Variants in SDK1 observed in about 807,000 individuals in gnomAD.
The protein encoded by SDK1 is sidekick cell adhesion molecule 1.
Under a neutral mutation model 245.5 loss-of-function variants are expected in SDK1, and 157 were observed. That is an observed-to-expected ratio of 0.64 (90% CI 0.56 to 0.73). SDK1 has a LOEUF of 0.73. Ranked by LOEUF, SDK1 falls within the 30% of genes least tolerant of loss-of-function variation. The pLI is 0.00. For missense variants in SDK1, 3,583 were observed against 3,002.3 expected (o/e 1.19, Z -4.52); for synonymous variants, 1,647 against 1,278.5 (o/e 1.29, Z -6.15).
At chr7:3,392,270 CATT>C (rs1248082404) in intron 1 of SDK1, among the ~76,000 whole-genome samples, 2 of 152,078 alleles carry the variant, frequency 1.3e-5, no homozygotes, top group Admixed American at 1.3e-4. Flanking sequence ...AGAAATGTAT[CATT>C]ATTAACTTAT....
At chr7:4,191,819 G>A (rs757812513) in intron 35 of SDK1, among the ~76,000 whole-genome samples, 12 of 152,220 alleles carry the variant, frequency 7.9e-5, no homozygotes, top group Non-Finnish European at 1.6e-4. Context: ...GGAGGGAAGC[G>A]CCATCTCCAC....
chr7:3,346,807 G>GTGTATATA (rs796252256), intron 1 of SDK1, among the ~76,000 whole-genome samples: 33 of 42,214 alleles, frequency 7.8e-4, no homozygotes, highest in East Asian at 6.1e-3. Flanking sequence ...GTGTGTGTGT[G>GTGTATATA]TATATATATA....
At chr7:3,513,317 A>G (rs1245647836) in intron 1 of SDK1, among the ~76,000 whole-genome samples, 1 of 152,222 alleles carries the variant, frequency 6.6e-6, no homozygotes, top group Admixed American at 6.5e-5. Flanking sequence ...AGAGTCGAAT[A>G]AAGAGATATG....
rs1274067911 is a variant in SDK1 at position 3,902,200 on chromosome 7, G to A, written c.848-48723G>A. Among the ~76,000 whole-genome samples, 4 of 152,220 alleles carry A rather than the reference G, an allele frequency of 2.6e-5. No individual in the cohort carries two copies. In the East Asian group the frequency reaches 7.7e-4, roughly 29 times the overall value. On this transcript the variant is annotated intron_variant, in intron 5 of 44. Transcript: ENST00000404826. Reference sequence around the variant, plus strand: ...TCAGTGGCTAGAAATGTGCGCGTGTGCATGTGTGTGTGTGTATTTTAAATC... The same window carrying A: ...TCAGTGGCTAGAAATGTGCGCGTGTACATGTGTGTGTGTGTATTTTAAATC...
intron 5 of SDK1, among the ~76,000 whole-genome samples, chr7:3,899,575 G>A (rs1431984873): frequency 1.3e-5 from 2 of 152,176 alleles, no homozygotes; most frequent in East Asian, 1.9e-4. Flanking sequence ...GGGCCCTCCC[G>A]AGGTGGCACA....
chr7:3,701,924 CAAAAAAAAAAA>C (rs58687135), intron 4 of SDK1, among the ~76,000 whole-genome samples: 2,031 of 85,754 alleles, frequency 0.024, 31 homozygotes, highest in Non-Finnish European at 0.035. Context: ...CGTGCATAAG[CAAAAAAAAAAA>C]AAAAAAAAAA....
At position 4,161,952 on chromosome 7, in the gene SDK1, C is replaced by T. The variant is rs1258061188; in HGVS notation, c.4800+96C>T. On this transcript the variant is annotated intron_variant, in intron 32 of 44. Coordinates refer to ENST00000404826, the MANE Select transcript of SDK1 (RefSeq NM_152744.4). Reference sequence around the variant, plus strand: ...GCTGACATGGACTGCAAGCTGAGCCCTGAGCTAAGCGTTTGAGAGTAGAAC... The same window carrying T: ...GCTGACATGGACTGCAAGCTGAGCCTTGAGCTAAGCGTTTGAGAGTAGAAC... 5.4e-6 allele frequency: 6 copies of T among 1,110,822 alleles called. No homozygotes were observed. The South Asian group carries it at 6.4e-5, about 12-fold the overall frequency. The allele number at this position is 1,110,822 out of a possible 1,614,324, so 68.8% of individuals were successfully genotyped here. A position where few individuals can be genotyped will look rare whatever the true frequency, so the allele number is the denominator to read the frequency against.
chr7:3,421,352 A>T (rs1348331700), intron 1 of SDK1, among the ~76,000 whole-genome samples: 2 of 152,166 alleles, frequency 1.3e-5, no homozygotes, highest in Non-Finnish European at 2.9e-5. Flanking sequence ...CTGGGATTAC[A>T]GGTGCAAGCC....
intron 9 of SDK1, among the ~76,000 whole-genome samples, chr7:3,965,538 T>C (rs1019402782): frequency 1.2e-4 from 19 of 152,216 alleles, no homozygotes; most frequent in African/African-American, 4.1e-4. Flanking sequence ...AAGGAAAATG[T>C]GCTTTAAAAA....
chr7:3,627,815 G>T (rs1024878424), intron 2 of SDK1, among the ~76,000 whole-genome samples: 2 of 152,106 alleles, frequency 1.3e-5, no homozygotes, highest in Non-Finnish European at 2.9e-5. Context: ...TGAAGTGGAT[G>T]CTCTCTAGTG....
At chr7:3,510,782 C>G (rs4496870) in intron 1 of SDK1, among the ~76,000 whole-genome samples, 43,439 of 152,068 alleles carry the variant, frequency 0.29, 6,546 homozygotes, top group African/African-American at 0.34. Flanking sequence ...GTCTCTCCTA[C>G]ATCCAAGACA....
chr7:3,930,513 C>T (rs2128117164), intron 5 of SDK1, among the ~76,000 whole-genome samples: 1 of 152,324 alleles, frequency 6.6e-6, no homozygotes, highest in East Asian at 1.9e-4. Flanking sequence ...ATGAAAGATA[C>T]AGGTCTCAAG....
chr7:4,018,433 C>T (rs1009202680), intron 17 of SDK1, among the ~76,000 whole-genome samples: 18 of 152,250 alleles, frequency 1.2e-4, no homozygotes, highest in East Asian at 7.7e-4. Context: ...GCCTGCACAG[C>T]GACTAGAAGA....
In SDK1 at chr7:3,580,986, AAAAAAAAACCAAAAC is replaced by A. The variant is rs1344690231; in HGVS notation, c.299-38089_299-38075del. On this transcript the variant is annotated intron_variant, in intron 1 of 44. Coordinates refer to ENST00000404826, the MANE Select transcript of SDK1 (RefSeq NM_152744.4). ...TCCATCTCAAAAAAAAAAAAAAAAA[AAAAAAAAACCAAAAC>A]AAAACCCTGGAAGACAATCTATGCA... is the stretch of plus-strand genomic sequence containing the variant. 1.5e-3 allele frequency among the ~76,000 whole-genome samples: 216 copies of A among 139,814 alleles called. 16 individuals carry two copies. In the East Asian group the frequency reaches 0.04, roughly 26 times the overall value. The allele number at this position is 139,814 out of a possible 152,430, so 91.7% of individuals were successfully genotyped here. A position where few individuals can be genotyped will look rare whatever the true frequency, so the allele number is the denominator to read the frequency against.
intron 1 of SDK1, among the ~76,000 whole-genome samples, chr7:3,523,660 A>G (rs905652931): frequency 6.6e-6 from 1 of 152,160 alleles, no homozygotes; most frequent in Non-Finnish European, 1.5e-5. Flanking sequence ...TACCAGAATG[A>G]GTGCAGGATG....
intron 4 of SDK1, among the ~76,000 whole-genome samples, chr7:3,805,478 TG>T (rs1251374819): frequency 1.3e-5 from 2 of 152,246 alleles, no homozygotes; most frequent in Non-Finnish European, 2.9e-5. Context: ...TGGTATAAGA[TG>T]TTCTGGGTTC....
chr7:3,427,962 T>C (rs1779723470), intron 1 of SDK1, among the ~76,000 whole-genome samples: 1 of 152,224 alleles, frequency 6.6e-6, no homozygotes, highest in African/African-American at 2.4e-5. Context: ...ACGTCGTTTA[T>C]GTTTGATTCA....
intron 16 of SDK1, 49 bp downstream of exon 16, chr7:4,012,284 G>A (rs374313852): frequency 3.5e-5 from 50 of 1,430,570 alleles, no homozygotes; most frequent in Middle Eastern, 2.1e-4. Context: ...AGAGTTGAGC[G>A]TCGATTTCAC....
intron 1 of SDK1, among the ~76,000 whole-genome samples, chr7:3,367,771 G>A (rs1487566220): frequency 1.3e-5 from 2 of 152,172 alleles, no homozygotes; most frequent in Non-Finnish European, 2.9e-5. Context: ...AAATTGGCTA[G>A]TAGAGCCATG....
Sources: gnomAD v4.1 joint callset for allele counts (sites outside exome capture counted in the v4.1 genomes callset) on GRCh38, gnomAD v4.1.1 for gene constraint, MANE v1.5 for transcripts, NCBI Gene and HGNC (gene_info 2026-07-23, HGNC 2026-07-21) for gene names.